The following GSTCD variants were observed in gnomAD, a reference collection of about 807,000 sequenced individuals.
The protein encoded by GSTCD is glutathione S-transferase C-terminal domain containing.
GSTCD carries 44 observed loss-of-function variants against 68.3 expected under a neutral mutation model. The ratio of observed to expected loss-of-function variants is 0.64; its 90% CI spans 0.51 to 0.83. GSTCD has a LOEUF of 0.83. Among genes scored for constraint, GSTCD ranks in the 40% least tolerant of loss-of-function variants. The pLI is 0.00. For synonymous variants in GSTCD, 273 were observed against 255.2 expected, an observed-to-expected ratio of 1.07 and a Z score of -0.67; for missense variants, 739 against 735.9, an observed-to-expected ratio of 1.00 and a Z score of -0.05.
intron 5 of GSTCD, among the ~76,000 whole-genome samples, chr4:105,798,306 C>T (rs1332220861): frequency 6.6e-6 from 1 of 151,974 alleles, no homozygotes; most frequent in African/African-American, 2.4e-5. Flanking sequence ...CTCAAAATGT[C>T]ATCCATGATG....
At chr4:105,838,813 ATAAT>A (rs1173498619) in intron 10 of GSTCD, among the ~76,000 whole-genome samples, 1 of 152,274 alleles carries the variant, frequency 6.6e-6, no homozygotes, top group East Asian at 1.9e-4. Flanking sequence ...AAATATATAA[ATAAT>A]TCCATTAGAA....
At chr4:105,786,480 A>G (rs1175018521) in intron 5 of GSTCD, among the ~76,000 whole-genome samples, 1 of 149,838 alleles carries the variant, frequency 6.7e-6, no homozygotes, top group African/African-American at 2.5e-5. Flanking sequence ...GCGCCACTGC[A>G]CTCTGCCCTG....
intron 11 of GSTCD, 23 bp from the exon 12 acceptor site, chr4:105,845,418 G>A (rs1324940567): frequency 1.2e-6 from 2 of 1,613,726 alleles, no homozygotes; most frequent in Non-Finnish European, 8.5e-7. Context: ...GGTGTCTCAT[G>A]ATACCATTTG....
intron 5 of GSTCD, among the ~76,000 whole-genome samples, chr4:105,817,362 CT>C (rs1723048412): frequency 6.6e-6 from 1 of 151,678 alleles, no homozygotes; most frequent in Non-Finnish European, 1.5e-5. Context: ...ATTCTGCTGT[CT>C]TTTTAGTTAA....
chr4:105,842,013 C>A, intron 10 of GSTCD, 52 bp from the exon 11 acceptor site: 1 of 1,404,804 alleles, frequency 7.1e-7, no homozygotes, highest in Non-Finnish European at 1.0e-6. Context: ...GTTTTTATAA[C>A]TTTGAAGCAG....
At chr4:105,712,828 G>A (rs1399874955) in intron 1 of GSTCD, among the ~76,000 whole-genome samples, 3 of 152,172 alleles carry the variant, frequency 2.0e-5, no homozygotes, top group Non-Finnish European at 4.4e-5. Context: ...TTACCAGGAA[G>A]TAGAACACGA....
At chr4:105,837,267 T>C (rs1466063218) in intron 9 of GSTCD, among the ~76,000 whole-genome samples, 1 of 152,122 alleles carries the variant, frequency 6.6e-6, no homozygotes, top group Admixed American at 6.5e-5. Context: ...ATCAAGCTCT[T>C]ATTACTTCCA....
At chr4:105,797,475 A>C (rs1047213499) in intron 5 of GSTCD, among the ~76,000 whole-genome samples, 1 of 152,140 alleles carries the variant, frequency 6.6e-6, no homozygotes, top group Admixed American at 6.6e-5. Flanking sequence ...TTATGTCTTT[A>C]AAAAGCATAC....
chr4:105,713,119 G>C (rs1378908692), intron 1 of GSTCD, among the ~76,000 whole-genome samples: 2 of 152,164 alleles, frequency 1.3e-5, no homozygotes, highest in African/African-American at 4.8e-5. Flanking sequence ...GATAAGTATT[G>C]CTTCATGACA....
chr4:105,831,601 G>A (rs1179398996), intron 8 of GSTCD, among the ~76,000 whole-genome samples: 1 of 152,078 alleles, frequency 6.6e-6, no homozygotes, highest in Non-Finnish European at 1.5e-5. Context: ...TTGTTTGTGT[G>A]TTCACATCTC....
chr4:105,781,026 C>A (rs192543134), intron 5 of GSTCD, among the ~76,000 whole-genome samples: 8 of 152,202 alleles, frequency 5.3e-5, no homozygotes, highest in East Asian at 1.9e-4. Flanking sequence ...CATTTCCAAG[C>A]CTTAAATTTC....
At position 105,847,253 on chromosome 4, in the gene GSTCD, G is replaced by A. The variant is rs904416573; in HGVS notation, c.*1676G>A. ...ATCATGAGGAGAAAGCACTATCATT[G>A]ATCATCACTATGGATTAAAATATAG... On this transcript the variant is annotated 3_prime_UTR_variant, in exon 12 of 12. Transcript: ENST00000515279. 1 of 146,808 alleles carries A rather than the reference G, an allele frequency of 6.8e-6. No individual in the cohort carries two copies. The highest frequency in any genetic ancestry group is 1.5e-5 in the Non-Finnish European group (1 of 67,422). 9.1% of individuals were successfully genotyped at this position (146,808 alleles called of 1,614,324 possible). A position where few individuals can be genotyped will look rare whatever the true frequency, so the allele number is the denominator to read the frequency against.
At chr4:105,822,899 C>T in intron 5 of GSTCD, 55 bp from the exon 6 acceptor site, 1 of 1,340,174 alleles carries the variant, frequency 7.5e-7, no homozygotes, top group Non-Finnish European at 1.1e-6. Context: ...AGCGTGTCTT[C>T]TTGTTCCCTC....
In GSTCD at chr4:105,847,197, T is replaced by A. The variant is rs1476493838; in HGVS notation, c.*1620T>A. On this transcript the variant is annotated 3_prime_UTR_variant, in exon 12 of 12. Transcript: ENST00000515279. ...CCCAATTTATTCCATTTGAGATTTATTTTAATGTTTTCAACCCCTGTGTAA... is the reference window on the plus strand; with the variant it reads ...CCCAATTTATTCCATTTGAGATTTAATTTAATGTTTTCAACCCCTGTGTAA... 1.3e-5 allele frequency: 2 copies of A among 152,160 alleles called. No homozygotes were observed. Among genetic ancestry groups the A allele is most frequent in the Non-Finnish European group, 2.9e-5 (2 of 68,038 alleles). 9.4% of individuals were successfully genotyped at this position (152,160 alleles called of 1,614,324 possible).
At chr4:105,842,684 A>G (rs1199467987) in intron 11 of GSTCD, among the ~76,000 whole-genome samples, 1 of 152,254 alleles carries the variant, frequency 6.6e-6, no homozygotes, top group African/African-American at 2.4e-5. Context: ...CACATTTAAA[A>G]GAATAATAGC....
chr4:105,733,335 A>G (rs372982300), intron 5 of GSTCD, among the ~76,000 whole-genome samples: 2 of 152,180 alleles, frequency 1.3e-5, no homozygotes, highest in Non-Finnish European at 1.5e-5. Context: ...GTCTCTTTGT[A>G]GGTCTCTAAG....
At chr4:105,833,807 T>C (rs1724001203) in intron 8 of GSTCD, among the ~76,000 whole-genome samples, 1 of 152,196 alleles carries the variant, frequency 6.6e-6, no homozygotes, top group Non-Finnish European at 1.5e-5. Flanking sequence ...TTTGAGTTAT[T>C]TTTATGAGTT....
At chr4:105,815,868 TTAAAA>T (rs1237198248) in intron 5 of GSTCD, among the ~76,000 whole-genome samples, 19 of 152,208 alleles carry the variant, frequency 1.2e-4, no homozygotes, top group African/African-American at 3.1e-4. Context: ...TATTATGGAC[TTAAAA>T]TAACAACAAC....
At position 105,718,019 on chromosome 4, in the gene GSTCD, T is replaced by A. The variant is rs61736388; in HGVS notation, c.406T>A (p.Cys136Ser). ...GGAACTTCTGGGCTTTAAAAAGACTTGCTTGAAAGCCTGTGCTGAAGTAAG... is the reference window on the plus strand; with the variant it reads ...GGAACTTCTGGGCTTTAAAAAGACTAGCTTGAAAGCCTGTGCTGAAGTAAG... ...LLELLGFKKTCLKACAEVSQW... is the reference protein window; with the variant it reads ...LLELLGFKKTSLKACAEVSQW... The change falls in exon 2 of 12, where the codon TGC (cysteine) becomes AGC (serine). Residue 136 changes from cysteine (C) to serine (S), a missense_variant. Transcript: ENST00000515279. The A allele has an allele frequency of 3.9e-3, 6,334 of 1,607,030 alleles. 33 individuals carry two copies. Among genetic ancestry groups the A allele is most frequent in the Middle Eastern group, 8.6e-3 (52 of 6,018 alleles).
Sources: gnomAD v4.1 joint callset for allele counts (sites outside exome capture counted in the v4.1 genomes callset) on GRCh38, gnomAD v4.1.1 for gene constraint, MANE v1.5 for transcripts, NCBI Gene and HGNC (gene_info 2026-07-23, HGNC 2026-07-21) for gene names.